EXOC2: variants seen among roughly 807,000 people sequenced by gnomAD.
The protein encoded by EXOC2 is SEC5-like 1.
Under a neutral mutation model 131.8 loss-of-function variants are expected in EXOC2, and 70 were observed. That is an observed-to-expected ratio of 0.53 (90% CI 0.44 to 0.65). EXOC2 has a LOEUF of 0.65. Ranked by LOEUF, EXOC2 falls within the 30% of genes least tolerant of loss-of-function variation. The probability of loss-of-function intolerance (pLI) is 0.00; values close to 1 mark genes in which losing one functional copy is unlikely to be tolerated. For missense variants in EXOC2, 923 were observed against 1,108.6 expected, an observed-to-expected ratio of 0.83 and a Z score of 2.38; for synonymous variants, 411 against 398.4, an observed-to-expected ratio of 1.03 and a Z score of -0.38.
At chr6:571,582 C>T (rs75899701) in intron 13 of EXOC2, among the ~76,000 whole-genome samples, 2,513 of 152,244 alleles carry the variant, frequency 0.017, 71 homozygotes, top group African/African-American at 0.057. Context: ...AGCCACTTTC[C>T]GCCAAGGAGG....
Position 491,118 on chromosome 6 carries a change from CACTT to C in EXOC2, c.2621+3_2621+6del, listed in dbSNP as rs1176229018. The C allele has an allele frequency of 1.2e-6, 2 of 1,613,976 alleles. No individual in the cohort carries two copies. The highest frequency in any genetic ancestry group is 1.6e-4 in the Middle Eastern group (1 of 6,084). ...AGAGCACTCAACTAAAGAACACTGC[CACTT>C]ACTTGCTTTCGGGTGTCAGGTAAAC... On this transcript the variant is annotated splice_donor_5th_base_variant and intron_variant, in intron 26 of 27. Transcript: ENST00000230449.
intron 1 of EXOC2, among the ~76,000 whole-genome samples, chr6:651,844 T>G (rs1581630776): frequency 6.6e-6 from 1 of 151,530 alleles, no homozygotes; most frequent in East Asian, 1.9e-4. Flanking sequence ...GATCATAAGG[T>G]CAGGAATTCG....
chr6:681,986 A>C (rs1200588391), intron 1 of EXOC2, among the ~76,000 whole-genome samples: 12 of 152,216 alleles, frequency 7.9e-5, no homozygotes, highest in Admixed American at 7.9e-4. Flanking sequence ...GAATCTGTTC[A>C]GTCAGGATTT....
intron 1 of EXOC2, among the ~76,000 whole-genome samples, chr6:681,407 G>A (rs548578260): frequency 5.9e-5 from 9 of 152,124 alleles, no homozygotes; most frequent in Non-Finnish European, 1.2e-4. Context: ...AGAATTACAC[G>A]AAAACCAGAA....
At chr6:576,654 C>T (rs1283588489) in intron 12 of EXOC2, 103 bp downstream of exon 12, 1 of 1,381,592 alleles carries the variant, frequency 7.2e-7, no homozygotes, top group Non-Finnish European at 9.9e-7. Context: ...TAATACTTAG[C>T]ACCAGTATCA....
intron 17 of EXOC2, among the ~76,000 whole-genome samples, chr6:559,555 G>A (rs1252695904): frequency 6.6e-6 from 1 of 152,068 alleles, no homozygotes; most frequent in Non-Finnish European, 1.5e-5. Flanking sequence ...GTGCACTGGG[G>A]GTCAGTTCTT....
chr6:642,482 G>C (rs890225191), intron 1 of EXOC2, among the ~76,000 whole-genome samples: 1 of 152,088 alleles, frequency 6.6e-6, no homozygotes, highest in Non-Finnish European at 1.5e-5. Context: ...GTGGCTGTGT[G>C]AACATAGAAA....
chr6:648,091 T>C (rs1278552775), intron 1 of EXOC2, among the ~76,000 whole-genome samples: 1 of 152,186 alleles, frequency 6.6e-6, no homozygotes, highest in Non-Finnish European at 1.5e-5. Context: ...TGTCATTTAA[T>C]TTACAAATAT....
intron 1 of EXOC2, among the ~76,000 whole-genome samples, chr6:650,187 T>C (rs1422851034): frequency 6.6e-6 from 1 of 152,218 alleles, no homozygotes; most frequent in Non-Finnish European, 1.5e-5. Flanking sequence ...ATATCCAAGC[T>C]GTAAGTCTAT....
chr6:554,780 G>T (rs150383779), intron 20 of EXOC2, among the ~76,000 whole-genome samples: 31 of 151,704 alleles, frequency 2.0e-4, no homozygotes, highest in African/African-American at 7.0e-4. Flanking sequence ...CATTATAAAA[G>T]AATTACCATA....
At chr6:594,113 AG>A (rs985263955) in intron 10 of EXOC2, among the ~76,000 whole-genome samples, 6 of 152,350 alleles carry the variant, frequency 3.9e-5, no homozygotes, top group African/African-American at 1.2e-4. Context: ...GTCAATTAGA[AG>A]GAAGAGCTTT....
At chr6:507,127 C>T (rs1764587819) in intron 23 of EXOC2, among the ~76,000 whole-genome samples, 3 of 30,284 alleles carry the variant, frequency 9.9e-5, no homozygotes, top group Non-Finnish European at 2.4e-4. Flanking sequence ...TACACACATA[C>T]ACACACACAT....
chr6:682,511 A>G lies in EXOC2; in HGVS notation c.-44+10508T>C, dbSNP rs1265539254. On this transcript the variant is annotated intron_variant, in intron 1 of 27. Coordinates refer to ENST00000230449, the MANE Select transcript of EXOC2 (RefSeq NM_018303.6). The stretch of plus-strand genomic sequence containing the variant: ...CACCGCGCCCGGCCCCGAGTTTCTA[A>G]AATACAAGTTCATTTCCACACATGA... Among the ~76,000 whole-genome samples, 3 of 152,088 alleles carry G rather than the reference A, an allele frequency of 2.0e-5. No individual in the cohort carries two copies. The East Asian group carries it at 5.8e-4, about 29-fold the overall frequency.
chr6:568,221 G>A (rs61334861), intron 13 of EXOC2, among the ~76,000 whole-genome samples: 1,790 of 152,322 alleles, frequency 0.012, 41 homozygotes, highest in African/African-American at 0.041. Flanking sequence ...CACTGTGCAC[G>A]GCAGAACCTC....
chr6:545,219 C>T (rs1189829663), intron 22 of EXOC2, among the ~76,000 whole-genome samples: 1 of 147,882 alleles, frequency 6.8e-6, no homozygotes, highest in Non-Finnish European at 1.5e-5. Flanking sequence ...TTAATGTCTA[C>T]AGGCTTCGTC....
At position 486,776 on chromosome 6, in the gene EXOC2, A is replaced by T. The variant is rs770675922; in HGVS notation, c.2682-12T>A. On this transcript the variant is annotated splice_polypyrimidine_tract_variant and intron_variant, in intron 27 of 27. Transcript: ENST00000230449. The stretch of plus-strand genomic sequence containing the variant: ...GCTCTTCCAGTAACCTGCAGGACGG[A>T]GACACTTGTTTTACAGCCCGACAGA... 3.1e-6 allele frequency: 5 copies of T among 1,610,812 alleles called. No individual in the cohort carries two copies. Among genetic ancestry groups the T allele is most frequent in the Non-Finnish European group, 4.2e-6 (5 of 1,177,584 alleles).
intron 11 of EXOC2, among the ~76,000 whole-genome samples, chr6:583,559 G>C (rs563439342): frequency 1.4e-4 from 22 of 152,052 alleles, no homozygotes; most frequent in Admixed American, 2.6e-4. Flanking sequence ...TACTACATGG[G>C]GATCTACAAA....
At chr6:495,522 C>G (rs1005403511) in intron 25 of EXOC2, among the ~76,000 whole-genome samples, 2 of 152,104 alleles carry the variant, frequency 1.3e-5, no homozygotes, top group African/African-American at 2.4e-5. Flanking sequence ...ACTGAAAATA[C>G]GTTTTCAGTT....
intron 22 of EXOC2, among the ~76,000 whole-genome samples, chr6:547,857 A>G (rs1211861328): frequency 6.6e-6 from 1 of 152,192 alleles, no homozygotes; most frequent in African/African-American, 2.4e-5. Context: ...GATATGAAAA[A>G]ATCTTTTTAA....
Sources: gnomAD v4.1 joint callset for allele counts (sites outside exome capture counted in the v4.1 genomes callset) on GRCh38, gnomAD v4.1.1 for gene constraint, MANE v1.5 for transcripts, NCBI Gene and HGNC (gene_info 2026-07-23, HGNC 2026-07-21) for gene names.